TNIP1: variants seen among roughly 807,000 people sequenced by gnomAD.
TNIP1 encodes the protein TNFAIP3-interacting protein 1.
In TNIP1, 22 loss-of-function variants were observed where a neutral mutation model predicts 86.6. The observed-to-expected ratio is 0.25, with a 90% confidence interval of 0.18 to 0.36. TNIP1 has a LOEUF of 0.36. Ranked by LOEUF, TNIP1 falls within the 10% of genes least tolerant of loss-of-function variation. The probability of loss-of-function intolerance (pLI) is 1.00; values close to 1 mark genes in which losing one functional copy is unlikely to be tolerated. For missense variants in TNIP1, 709 were observed against 820.6 expected (o/e 0.86, Z 1.66); for synonymous variants, 294 against 313.0 (o/e 0.94, Z 0.64).
chr5:151,067,653 G>T (rs1329940200), intron 1 of TNIP1, among the ~76,000 whole-genome samples: 1 of 152,224 alleles, frequency 6.6e-6, no homozygotes, highest in South Asian at 2.1e-4. Context: ...TAGATTAGAG[G>T]CTGCATGAGG....
At chr5:151,072,469 T>C (rs1373776384) in intron 1 of TNIP1, among the ~76,000 whole-genome samples, 1 of 152,168 alleles carries the variant, frequency 6.6e-6, no homozygotes, top group Non-Finnish European at 1.5e-5. Context: ...TCTCACCAAC[T>C]TCCTCCCCAA....
Position 151,060,329 on chromosome 5 carries a change from C to T in TNIP1, c.424G>A (p.Ala142Thr), listed in dbSNP as rs765510844. ...GCCCGTCCACTCACCATCGCATTGG[C>T]ATGGCTGCTGCTCTCTGGTGAATTC... Reference protein sequence around the residue: ...EQNSPESSSHANAMALGPLPR... With the variant: ...EQNSPESSSHTNAMALGPLPR... Residue 142 changes from alanine (A) to threonine (T), a missense_variant, in exon 5 of 18, where the codon GCC (alanine) becomes ACC (threonine). Coordinates refer to ENST00000521591, the MANE Select transcript of TNIP1 (RefSeq NM_006058.5). The T allele has an allele frequency of 5.0e-6, 8 of 1,614,012 alleles. No individual in the cohort carries two copies. In the African/African-American group the frequency reaches 8.0e-5, roughly 16 times the overall value.
upstream of TNIP1, among the ~76,000 whole-genome samples, chr5:151,083,783 T>C (rs1023643974): frequency 6.6e-6 from 1 of 152,178 alleles, no homozygotes; most frequent in Non-Finnish European, 1.5e-5. Context: ...AAAAAACATA[T>C]GAAAAATCCA....
intron 8 of TNIP1, among the ~76,000 whole-genome samples, chr5:151,048,250 G>T (rs1759437879): frequency 2.0e-5 from 3 of 152,184 alleles, no homozygotes; most frequent in African/African-American, 7.2e-5. Flanking sequence ...AGGGAGAGAG[G>T]AGTCCACGTG....
At chr5:151,034,702 GA>G (rs1757471899) in intron 15 of TNIP1, 1 of 422,838 alleles carries the variant, frequency 2.4e-6, no homozygotes, top group African/African-American at 2.1e-5. Context: ...CGGAGGGCTG[GA>G]ACATGGGCAT....
chr5:151,080,769 G>C (rs1349898717), intron 1 of TNIP1, 111 bp downstream of exon 1: 1 of 152,372 alleles, frequency 6.6e-6, no homozygotes. Flanking sequence ...CCGGGCCTGG[G>C]TGCACAAGCC....
rs77165066 is a variant in TNIP1, at chr5:151,075,292, G to T, written c.-37+5588C>A. Reference sequence around the variant, plus strand: ...ATGTAGGTGCCTGCGTGTTACCCTCGGTATCTGAGAGACTCCTTCAATTTT... The same window carrying T: ...ATGTAGGTGCCTGCGTGTTACCCTCTGTATCTGAGAGACTCCTTCAATTTT... On this transcript the variant is annotated intron_variant, in intron 1 of 17. Coordinates refer to ENST00000521591, the MANE Select transcript of TNIP1 (RefSeq NM_006058.5). Among the ~76,000 whole-genome samples, 1,444 of 152,154 alleles carry T rather than the reference G, an allele frequency of 9.5e-3. 26 individuals are homozygous for T. The highest frequency in any genetic ancestry group is 0.033 in the African/African-American group (1,388 of 41,494).
At chr5:151,050,695 C>T (rs1286936384) in intron 7 of TNIP1, among the ~76,000 whole-genome samples, 1 of 151,876 alleles carries the variant, frequency 6.6e-6, no homozygotes, top group African/African-American at 2.4e-5. Flanking sequence ...GTACAGTGGC[C>T]CAATCTCGGC....
chr5:151,039,759 G>A (rs1468595553), intron 11 of TNIP1, among the ~76,000 whole-genome samples: 1 of 152,238 alleles, frequency 6.6e-6, no homozygotes, highest in Admixed American at 6.5e-5. Flanking sequence ...TACAGCCTTG[G>A]AGCCTAGAGG....
At chr5:151,080,060 C>T (rs1464001098) in intron 1 of TNIP1, 1 of 152,260 alleles carries the variant, frequency 6.6e-6, no homozygotes, top group Non-Finnish European at 1.5e-5. Context: ...CCTACCAAAA[C>T]ACAATCTCTC....
intron 12 of TNIP1, among the ~76,000 whole-genome samples, 188 bp downstream of exon 12, chr5:151,038,909 G>A (rs1581745366): frequency 6.6e-6 from 1 of 152,100 alleles, no homozygotes; most frequent in East Asian, 1.9e-4. Context: ...GGGTGACACA[G>A]GCTAATTCAA....
chr5:151,079,563 C>T (rs1030239318), intron 1 of TNIP1, among the ~76,000 whole-genome samples: 2 of 151,462 alleles, frequency 1.3e-5, no homozygotes, highest in African/African-American at 4.9e-5. Flanking sequence ...GGCAAGTTGC[C>T]GTGAGCCGAG....
intron 11 of TNIP1, 35 bp from the exon 12 acceptor site, chr5:151,039,260 A>G: frequency 6.3e-7 from 1 of 1,599,384 alleles, no homozygotes. Flanking sequence ...GCTGGCTAGG[A>G]TGGCCTCTCC....
upstream of TNIP1, among the ~76,000 whole-genome samples, chr5:151,083,253 A>T (rs1393559503): frequency 3.3e-5 from 5 of 152,224 alleles, no homozygotes. Context: ...TCCTCATGTG[A>T]ATCATGAGGA....
chr5:151,032,408 A>G, intron 16 of TNIP1, 25 bp from the exon 17 acceptor site: 1 of 1,611,266 alleles, frequency 6.2e-7, no homozygotes, highest in Non-Finnish European at 8.5e-7. Context: ...GTGCTTAATA[A>G]TCAATAATCA....
At chr5:151,060,190 C>A (rs1761368865) in intron 5 of TNIP1, 128 bp downstream of exon 5, 3 of 915,906 alleles carry the variant, frequency 3.3e-6, no homozygotes, top group Non-Finnish European at 5.1e-6. Flanking sequence ...TCCTGCCCCT[C>A]GTGTATCCCC....
chr5:151,080,151 T>C (rs1397284769), intron 1 of TNIP1: 2 of 152,320 alleles, frequency 1.3e-5, no homozygotes, highest in Admixed American at 1.3e-4. Flanking sequence ...TGTCCTACAG[T>C]GGAAAGCTCA....
rs11390788 is a variant in TNIP1, at chr5:151,053,101, CTTTTTTTT to C, written c.628-850_628-843del. 3.4e-3 allele frequency among the ~76,000 whole-genome samples: 288 copies of C among 85,234 alleles called. 1 individual carries two copies. Among genetic ancestry groups the C allele is most frequent in the African/African-American group, 0.012 (262 of 21,494 alleles). 55.9% of individuals were successfully genotyped at this position (85,234 alleles called of 152,430 possible). A position where few individuals can be genotyped will look rare whatever the true frequency, so the allele number is the denominator to read the frequency against. ...CTACAAAAGAAAGACAACTGTTTCT[CTTTTTTTT>C]TTTTTTTTTTTTTTTTTTAAGACAG... On this transcript the variant is annotated intron_variant, in intron 6 of 17. Coordinates refer to ENST00000521591, the MANE Select transcript of TNIP1 (RefSeq NM_006058.5).
At chr5:151,081,940 A>C (rs1332770410), upstream of TNIP1, among the ~76,000 whole-genome samples, 1 of 152,224 alleles carries the variant, frequency 6.6e-6, no homozygotes, top group African/African-American at 2.4e-5. Context: ...AATTCCAAAA[A>C]GTGGAAGGTC....
Sources: gnomAD v4.1 joint callset for allele counts (sites outside exome capture counted in the v4.1 genomes callset) on GRCh38, gnomAD v4.1.1 for gene constraint, MANE v1.5 for transcripts, NCBI Gene and HGNC (gene_info 2026-07-23, HGNC 2026-07-21) for gene names.